The following ZNF609 variants were observed in gnomAD, a reference collection of about 807,000 sequenced individuals.
ZNF609 encodes the protein zinc finger protein 609.
Under a neutral mutation model 109.5 loss-of-function variants are expected in ZNF609, and 11 were observed. The observed-to-expected ratio is 0.10, with a 90% CI of 0.06 to 0.17. ZNF609 has a LOEUF of 0.17. Among genes scored for constraint, ZNF609 ranks in the 10% least tolerant of loss-of-function variants. The pLI is 1.00. For missense variants in ZNF609, 1,559 were observed against 1,772.4 expected, an observed-to-expected ratio of 0.88 and a Z score of 2.16; for synonymous variants, 646 against 662.0, an observed-to-expected ratio of 0.98 and a Z score of 0.37.
Position 64,674,615 on chromosome 15 carries a change from C to T in ZNF609, c.1761C>T (p.Gly587=). 1 of 1,614,094 alleles carries T rather than the reference C, an allele frequency of 6.2e-7. No homozygotes were observed. Among genetic ancestry groups the T allele is most frequent in the Non-Finnish European group, 8.5e-7 (1 of 1,180,024 alleles). The change falls in exon 5 of 10, where the codon GGC becomes GGT. Residue 587 remains glycine, a synonymous_variant. Transcript: ENST00000326648. ...CTTCAAGCAAATTCAGCACAAAAGG[C>T]CTCTGTAAGAAAAAGTTGAGTGGGG... ...PSPSSKFSTK[G]LCKKKLSGEG... is the part of the protein sequence containing the mutation.
intron 1 of ZNF609, among the ~76,000 whole-genome samples, chr15:64,491,680 C>T (rs1325027698): frequency 6.6e-6 from 1 of 151,908 alleles, no homozygotes; most frequent in Non-Finnish European, 1.5e-5. Context: ...AACCCCATCC[C>T]TCTCAAAAAT....
Position 64,499,648 on chromosome 15 carries a change from C to G in ZNF609, c.229C>G (p.Pro77Ala). Residue 77 changes from proline to alanine, a missense_variant, in exon 2 of 10, where the codon CCA (proline) becomes GCA (alanine). Physicochemically the swap from Pro to Ala is conservative, Grantham distance 27. Transcript: ENST00000326648. ...ACCAGACAACATCAAGTTTGTGACC[C>G]CAGTGCCAGGTCCTCAAGGGAAGGA... ...TLPDNIKFVT[P>A]VPGPQGKEGK... 1 of 1,614,134 alleles carries G rather than the reference C, an allele frequency of 6.2e-7. No individual in the cohort carries two copies. The highest frequency in any genetic ancestry group is 8.5e-7 in the Non-Finnish European group (1 of 1,180,038).
Position 64,675,601 on chromosome 15 carries a change from A to G in ZNF609, c.2747A>G (p.Gln916Arg). The change falls in exon 5 of 10, where the codon CAG (glutamine) becomes CGG (arginine). Residue 916 changes from glutamine (Q) to arginine (R), a missense_variant. Around this residue, in one of 4 missense-constraint regions of ZNF609, gnomAD observed 1,204 missense variants for 1,314.1 expected, o/e 0.92. Transcript: ENST00000326648. ...CCTGGGGCTCTGAACCCCAGCAGCCAGGCAGGAGTGGAGAGCCAGGCCCTG... is the reference window on the plus strand; with the variant it reads ...CCTGGGGCTCTGAACCCCAGCAGCCGGGCAGGAGTGGAGAGCCAGGCCCTG... ...SSPGALNPSS[Q>R]AGVESQALKT... 1 of 1,614,164 alleles carries G rather than the reference A, an allele frequency of 6.2e-7. No individual in the cohort carries two copies. The highest frequency in any genetic ancestry group is 8.5e-7 in the Non-Finnish European group (1 of 1,180,046).
intron 2 of ZNF609, among the ~76,000 whole-genome samples, chr15:64,589,205 GAGA>G (rs753743973): frequency 9.2e-5 from 14 of 152,268 alleles, no homozygotes; most frequent in East Asian, 1.9e-4. Context: ...GCTAAAAAAG[GAGA>G]AGAACTCAAC....
intron 2 of ZNF609, among the ~76,000 whole-genome samples, chr15:64,590,221 T>A (rs1276463247): frequency 6.6e-6 from 1 of 152,088 alleles, no homozygotes; most frequent in Non-Finnish European, 1.5e-5. Flanking sequence ...AGTATTGAAG[T>A]TTTTGGGTCG....
chr15:64,641,245 T>A (rs1208936765), intron 3 of ZNF609, among the ~76,000 whole-genome samples: 1 of 140,274 alleles, frequency 7.1e-6, no homozygotes, highest in Non-Finnish European at 1.6e-5. Context: ...GAGATGGAGT[T>A]TCGCTCTTGC....
At chr15:64,506,511 G>A (rs1009300045) in intron 2 of ZNF609, among the ~76,000 whole-genome samples, 55 of 150,912 alleles carry the variant, frequency 3.6e-4, no homozygotes, top group Admixed American at 7.9e-4. Context: ...ACCTGAGGTC[G>A]GGAGTTCGAG....
At chr15:64,624,761 CTTTTT>C (rs11411889) in intron 3 of ZNF609, among the ~76,000 whole-genome samples, 1 of 131,876 alleles carries the variant, frequency 7.6e-6, no homozygotes, top group Admixed American at 8.2e-5. Context: ...GTTACGTACA[CTTTTT>C]TTTTTTTTTT....
intron 1 of ZNF609, among the ~76,000 whole-genome samples, chr15:64,464,158 A>G (rs1892979642): frequency 6.6e-6 from 1 of 152,226 alleles, no homozygotes; most frequent in Non-Finnish European, 1.5e-5. Flanking sequence ...CCTGGTAGCA[A>G]TTATGTTGCA....
At chr15:64,533,497 CTTA>C (rs1488013487) in intron 2 of ZNF609, among the ~76,000 whole-genome samples, 8 of 152,174 alleles carry the variant, frequency 5.3e-5, no homozygotes. Flanking sequence ...CTGTTGCATG[CTTA>C]TTATTCAATA....
Position 64,631,406 on chromosome 15 carries a change from C to A in ZNF609, c.973+8354C>A, listed in dbSNP as rs538309176. 4.4e-5 allele frequency: 32 copies of A among 732,630 alleles called. No homozygotes were observed. The East Asian group carries it at 5.8e-4, about 13-fold the overall frequency. The allele number at this position is 732,630 out of a possible 1,614,324, so 45.4% of individuals were successfully genotyped here. A position where few individuals can be genotyped will look rare whatever the true frequency, so the allele number is the denominator to read the frequency against. ...GTGCTGGGGGACACTGTAGACTCTT[C>A]CAGTTTAGCCGTGGTAACACTTGTG... is the stretch of plus-strand genomic sequence containing the variant. On this transcript the variant is annotated intron_variant, in intron 3 of 9. Transcript: ENST00000326648.
At chr15:64,602,745 C>T (rs1428724334) in intron 2 of ZNF609, among the ~76,000 whole-genome samples, 4 of 88,640 alleles carry the variant, frequency 4.5e-5, no homozygotes, top group African/African-American at 1.7e-4. Context: ...TTTTTTGAGA[C>T]GGAGTCTTGC....
chr15:64,576,908 G>C (rs1475191231), intron 2 of ZNF609, among the ~76,000 whole-genome samples: 1 of 118,968 alleles, frequency 8.4e-6, no homozygotes, highest in Non-Finnish European at 1.8e-5. Flanking sequence ...ACATATATAT[G>C]TATATATACA....
chr15:64,685,140 G>A lies in ZNF609; in HGVS notation c.*3454G>A, dbSNP rs964877285. ...TCCTGATTCTTCCCTTCTGTAAAGT[G>A]TACATTACCAAGTTCCTTGTTTTTT... On this transcript the variant is annotated 3_prime_UTR_variant, in exon 10 of 10. Coordinates refer to ENST00000326648, the MANE Select transcript of ZNF609 (RefSeq NM_015042.2). 2.6e-5 allele frequency: 4 copies of A among 151,860 alleles called. No individual in the cohort carries two copies. Among genetic ancestry groups the A allele is most frequent in the Non-Finnish European group, 5.9e-5 (4 of 67,930 alleles). 9.4% of individuals were successfully genotyped at this position (151,860 alleles called of 1,614,324 possible). A position where few individuals can be genotyped will look rare whatever the true frequency, so the allele number is the denominator to read the frequency against.
chr15:64,467,263 C>G (rs540221937), intron 1 of ZNF609, among the ~76,000 whole-genome samples: 161 of 152,248 alleles, frequency 1.1e-3, no homozygotes, highest in Non-Finnish European at 1.7e-3. Context: ...TTATTGTGTT[C>G]TCTGGTCATT....
intron 2 of ZNF609, among the ~76,000 whole-genome samples, chr15:64,615,144 A>G (rs1895780003): frequency 6.6e-6 from 1 of 151,004 alleles, no homozygotes; most frequent in African/African-American, 2.4e-5. Flanking sequence ...TTTTGTTTTG[A>G]AGACAGTATC....
intron 4 of ZNF609, among the ~76,000 whole-genome samples, chr15:64,670,947 C>T (rs1022724627): frequency 8.0e-5 from 12 of 150,596 alleles, no homozygotes; most frequent in African/African-American, 2.4e-4. Context: ...CGGTGGCTCA[C>T]GCCTGTAATC....
chr15:64,648,950 C>T (rs999493092), intron 3 of ZNF609, among the ~76,000 whole-genome samples: 6 of 151,990 alleles, frequency 3.9e-5, no homozygotes, highest in Admixed American at 2.0e-4. Context: ...TCTAATTGTT[C>T]ATTTCATAGG....
intron 2 of ZNF609, among the ~76,000 whole-genome samples, chr15:64,531,010 A>T (rs1894052906): frequency 6.6e-6 from 1 of 152,192 alleles, no homozygotes; most frequent in African/African-American, 2.4e-5. Context: ...TTTGCCTCAG[A>T]ATTACTCTTT....
Sources: allele counts gnomAD v4.1 joint callset (sites outside exome capture counted in the v4.1 genomes callset), GRCh38; gene constraint gnomAD v4.1.1; regional missense constraint gnomAD v4.1.1; transcripts MANE v1.5; gene names NCBI Gene and HGNC (gene_info 2026-07-23, HGNC 2026-07-21).